AGBL4: variants seen among roughly 807,000 people sequenced by gnomAD.
The protein encoded by AGBL4 is cytosolic carboxypeptidase 6.
A neutral mutation model predicts 66.4 loss-of-function variants in AGBL4; 58 were observed. The observed-to-expected ratio is 0.87, with a 90% CI of 0.71 to 1.09. The LOEUF (loss-of-function observed/expected upper bound fraction) is 1.09, where lower values mean the gene tolerates loss of function less well. AGBL4 is among the 50% of genes least tolerant of loss of function. The pLI, the probability that AGBL4 is intolerant of heterozygous loss-of-function variation, is 0.00. For synonymous variants in AGBL4, 234 were observed against 222.9 expected, an observed-to-expected ratio of 1.05 and a Z score of -0.44; for missense variants, 579 against 631.0, an observed-to-expected ratio of 0.92 and a Z score of 0.88.
intron 1 of AGBL4, among the ~76,000 whole-genome samples, chr1:50,016,718 A>G (rs1300060316): frequency 6.6e-6 from 1 of 152,212 alleles, no homozygotes; most frequent in African/African-American, 2.4e-5. Context: ...TATTGGAGAA[A>G]TGCAAATCAA....
At chr1:48,554,248 A>C (rs144014459) in intron 11 of AGBL4, among the ~76,000 whole-genome samples, 1 of 152,294 alleles carries the variant, frequency 6.6e-6, no homozygotes, top group African/African-American at 2.4e-5. Flanking sequence ...AAGCACTTAC[A>C]TGGATTAATG....
chr1:49,193,800 T>A (rs1451622942), intron 4 of AGBL4, among the ~76,000 whole-genome samples: 1 of 152,224 alleles, frequency 6.6e-6, no homozygotes, highest in African/African-American at 2.4e-5. Flanking sequence ...CCCCAAGTCC[T>A]GGGATTACAG....
intron 4 of AGBL4, among the ~76,000 whole-genome samples, chr1:49,072,212 G>A (rs1225589398): frequency 6.6e-6 from 1 of 152,104 alleles, no homozygotes; most frequent in Non-Finnish European, 1.5e-5. Context: ...GCCAGTGTGT[G>A]TCTTTTAATT....
chr1:48,600,459 G>A (rs184252966), intron 9 of AGBL4, among the ~76,000 whole-genome samples: 82 of 151,846 alleles, frequency 5.4e-4, no homozygotes, highest in Admixed American at 9.8e-4. Context: ...GTGGGAACCC[G>A]AGATCACACA....
rs564080310 is a variant in AGBL4, at chr1:48,913,867, G to A, written c.595-46637C>T. Reference sequence around the variant, plus strand: ...GAGGTTGGGGACTGCTGGCTTAAGGGTTTCTGGATCCAAGTAGATTGTCAT... The same window carrying A: ...GAGGTTGGGGACTGCTGGCTTAAGGATTTCTGGATCCAAGTAGATTGTCAT... On this transcript the variant is annotated intron_variant, in intron 5 of 13. Coordinates refer to ENST00000371839, the MANE Select transcript of AGBL4 (RefSeq NM_032785.4). 7.2e-4 allele frequency among the ~76,000 whole-genome samples: 109 copies of A among 152,240 alleles called. No homozygotes were observed. The South Asian group carries it at 8.5e-3, about 12-fold the overall frequency.
At chr1:49,619,120 G>A (rs1209528045) in intron 3 of AGBL4, among the ~76,000 whole-genome samples, 1 of 152,120 alleles carries the variant, frequency 6.6e-6, no homozygotes, top group African/African-American at 2.4e-5. Context: ...TCTGGTCAGG[G>A]CAATCAGGCA....
chr1:48,921,397 G>A (rs1654062589), intron 5 of AGBL4, among the ~76,000 whole-genome samples: 1 of 152,162 alleles, frequency 6.6e-6, no homozygotes, highest in Non-Finnish European at 1.5e-5. Flanking sequence ...AATAATTAAT[G>A]ACAATAATAT....
At chr1:48,839,593 CAG>C (rs774165910) in intron 6 of AGBL4, among the ~76,000 whole-genome samples, 17 of 152,010 alleles carry the variant, frequency 1.1e-4, no homozygotes, top group Non-Finnish European at 2.5e-4. Flanking sequence ...AGAGGGGAGA[CAG>C]AGAGTATAAG....
At chr1:49,481,497 T>C (rs569618055) in intron 3 of AGBL4, among the ~76,000 whole-genome samples, 27 of 151,970 alleles carry the variant, frequency 1.8e-4, no homozygotes, top group African/African-American at 6.5e-4. Flanking sequence ...CCTGAGACTT[T>C]CCTGAAGTTA....
At chr1:49,757,297 C>G (rs919037263) in intron 2 of AGBL4, among the ~76,000 whole-genome samples, 1 of 152,188 alleles carries the variant, frequency 6.6e-6, no homozygotes, top group African/African-American at 2.4e-5. Flanking sequence ...ATTACCCAGC[C>G]TCATGTATGT....
At position 48,604,745 on chromosome 1, in the gene AGBL4, G is replaced by A. The variant is rs182945926; in HGVS notation, c.952-13760C>T. 1.3e-4 allele frequency among the ~76,000 whole-genome samples: 20 copies of A among 152,296 alleles called. No homozygotes were observed. The East Asian group carries it at 1.7e-3, about 13-fold the overall frequency. ...TATAGACATTCACTCCCTCCAAAGAGAGGACTTTTGATTTTTATGAACTGC... is the reference window on the plus strand; with the variant it reads ...TATAGACATTCACTCCCTCCAAAGAAAGGACTTTTGATTTTTATGAACTGC... On this transcript the variant is annotated intron_variant, in intron 9 of 13. Transcript: ENST00000371839.
intron 3 of AGBL4, among the ~76,000 whole-genome samples, chr1:49,371,224 G>T (rs374059011): frequency 1.7e-4 from 21 of 122,544 alleles, no homozygotes; most frequent in African/African-American, 3.0e-4. Flanking sequence ...TAGATAGATA[G>T]ATATATAGAT....
At chr1:49,341,089 GC>G (rs1645530626) in intron 3 of AGBL4, among the ~76,000 whole-genome samples, 1 of 152,114 alleles carries the variant, frequency 6.6e-6, no homozygotes, top group Non-Finnish European at 1.5e-5. Flanking sequence ...TTTCAGGAAT[GC>G]CCTAATCTAT....
At chr1:49,416,188 T>A (rs1360831910) in intron 3 of AGBL4, among the ~76,000 whole-genome samples, 3 of 152,108 alleles carry the variant, frequency 2.0e-5, no homozygotes, top group Non-Finnish European at 4.4e-5. Context: ...ACTAGTCAAA[T>A]TAAGAGTTAA....
intron 6 of AGBL4, among the ~76,000 whole-genome samples, chr1:48,830,692 T>C (rs1273516026): frequency 6.6e-6 from 1 of 152,236 alleles, no homozygotes; most frequent in Non-Finnish European, 1.5e-5. Context: ...TAATCAAATA[T>C]CTGCTGTATG....
At chr1:49,014,722 A>C (rs571694777) in intron 5 of AGBL4, among the ~76,000 whole-genome samples, 1 of 152,310 alleles carries the variant, frequency 6.6e-6, no homozygotes, top group South Asian at 2.1e-4. Context: ...CCCACCCTAC[A>C]GGGAACCTCC....
At position 49,006,787 on chromosome 1, in the gene AGBL4, A is replaced by T. The variant is rs1294556383; in HGVS notation, c.594+38797T>A. Among the ~76,000 whole-genome samples, 5 of 151,398 alleles carry T rather than the reference A, an allele frequency of 3.3e-5. 1 individual carries two copies. The South Asian group carries it at 1.1e-3, about 32-fold the overall frequency. ...GGCACACTGACACCTCACACGGCAGAGTATTCCAACAGACCTGCAGCTGAG... is the reference window on the plus strand; with the variant it reads ...GGCACACTGACACCTCACACGGCAGTGTATTCCAACAGACCTGCAGCTGAG... On this transcript the variant is annotated intron_variant, in intron 5 of 13. Transcript: ENST00000371839.
intron 2 of AGBL4, among the ~76,000 whole-genome samples, chr1:49,734,908 CA>C (rs1347029645): frequency 7.9e-5 from 12 of 151,928 alleles, no homozygotes; most frequent in South Asian, 2.1e-4. Flanking sequence ...AGTGATGATA[CA>C]AGGATAGGCA....
intron 2 of AGBL4, among the ~76,000 whole-genome samples, chr1:49,789,681 G>A (rs1469212594): frequency 6.6e-6 from 1 of 152,150 alleles, no homozygotes; most frequent in Admixed American, 6.5e-5. Flanking sequence ...AAGGAAATAA[G>A]AGAGGACACA....
Sources: gnomAD v4.1 joint callset for allele counts (sites outside exome capture counted in the v4.1 genomes callset) on GRCh38, gnomAD v4.1.1 for gene constraint, MANE v1.5 for transcripts, NCBI Gene and HGNC (gene_info 2026-07-23, HGNC 2026-07-21) for gene names.